The following CLNK variants were observed in gnomAD, a reference collection of about 807,000 sequenced individuals.
The protein encoded by CLNK is cytokine dependent hematopoietic cell linker, also known as cytokine-dependent hematopoietic cell linker.
In CLNK, 74 loss-of-function variants were observed where a neutral mutation model predicts 68.6. The observed-to-expected ratio is 1.08, with a 90% CI of 0.89 to 1.31. The LOEUF (loss-of-function observed/expected upper bound fraction) is 1.31, where lower values mean the gene tolerates loss of function less well. Among genes scored for constraint, CLNK ranks in the 50% most tolerant of loss-of-function variants. The pLI, the probability that CLNK is intolerant of heterozygous loss-of-function variation, is 0.00. For synonymous variants in CLNK, 198 were observed against 172.2 expected, an observed-to-expected ratio of 1.15 and a Z score of -1.17; for missense variants, 553 against 515.3, an observed-to-expected ratio of 1.07 and a Z score of -0.71.
At chr4:10,633,580 G>A (rs1163789453) in intron 2 of CLNK, among the ~76,000 whole-genome samples, 5 of 152,172 alleles carry the variant, frequency 3.3e-5, no homozygotes, top group South Asian at 2.1e-4. Context: ...CCTAATCCAG[G>A]AACATCTGAG....
At chr4:10,543,482 C>T (rs1156739214) in intron 8 of CLNK, among the ~76,000 whole-genome samples, 1 of 152,144 alleles carries the variant, frequency 6.6e-6, no homozygotes, top group Non-Finnish European at 1.5e-5. Context: ...GATTTTTAAC[C>T]ATGTGCTGAA....
intron 3 of CLNK, among the ~76,000 whole-genome samples, chr4:10,585,525 CCTT>C (rs1219591377): frequency 6.6e-6 from 1 of 152,248 alleles, no homozygotes; most frequent in Non-Finnish European, 1.5e-5. Context: ...TGTCCATAAA[CCTT>C]CTTTCACCAC....
In CLNK at chr4:10,540,533, G is replaced by C. The variant is rs760378165; in HGVS notation, c.563C>G (p.Ser188Cys). ...GACTTCTGGAAAGGTGTGTCTCTGAGATAAAGGTGGCCTGCTGCTCTCCGG... is the reference window on the plus strand; with the variant it reads ...GACTTCTGGAAAGGTGTGTCTCTGACATAAAGGTGGCCTGCTGCTCTCCGG... The part of the protein sequence containing the change: ...PEPESSRPPL[S>C]QRHTFPEVQR... Residue 188 changes from serine to cysteine, a missense_variant, in exon 11 of 19, where the codon TCT becomes TGT. By Grantham distance (112) the Ser-to-Cys change is moderately radical. Transcript: ENST00000226951. The C allele has an allele frequency of 1.9e-6, 3 of 1,613,834 alleles. No homozygotes were observed. Among genetic ancestry groups the C allele is most frequent in the Non-Finnish European group, 2.5e-6 (3 of 1,179,812 alleles).
Position 10,612,383 on chromosome 4 carries a change from G to A in CLNK, c.12-14334C>T, listed in dbSNP as rs536678993. ...CACATTGGCCTGTGAAAGATCCCAC[G>A]TCCAAAGTGTCTTGCTGAGAGTGTG... On this transcript the variant is annotated intron_variant, in intron 2 of 18. Coordinates refer to ENST00000226951, the MANE Select transcript of CLNK (RefSeq NM_052964.4). Among the ~76,000 whole-genome samples the A allele has an allele frequency of 6.6e-5, 10 of 152,332 alleles. No homozygotes were observed. In the East Asian group the frequency reaches 1.2e-3, roughly 18 times the overall value.
intron 2 of CLNK, among the ~76,000 whole-genome samples, chr4:10,604,663 A>T (rs1391495456): frequency 6.6e-6 from 1 of 151,210 alleles, no homozygotes; most frequent in East Asian, 1.9e-4. Flanking sequence ...TTCATTCCCT[A>T]TTATCTCACA....
intron 2 of CLNK, among the ~76,000 whole-genome samples, chr4:10,622,624 A>C (rs1391588468): frequency 1.3e-5 from 2 of 152,228 alleles, no homozygotes; most frequent in Non-Finnish European, 2.9e-5. Flanking sequence ...AAAACTTGTC[A>C]TGGTTTGGTG....
At chr4:10,649,709 A>G (rs930338174) in intron 2 of CLNK, among the ~76,000 whole-genome samples, 9 of 152,120 alleles carry the variant, frequency 5.9e-5, no homozygotes, top group African/African-American at 2.2e-4. Context: ...ATTCCAGCCT[A>G]GATTGTCTAG....
At chr4:10,715,333 T>G in the CLNK span, among the ~76,000 whole-genome samples, 1 of 152,190 alleles carries the variant, frequency 6.6e-6, no homozygotes, top group East Asian at 1.9e-4. Flanking sequence ...AATTACACCT[T>G]GTAGCTTCCA....
intron 11 of CLNK, among the ~76,000 whole-genome samples, chr4:10,537,679 CTTCCTTCCTTCCTTCCTTCCTT>C (rs1718837202): frequency 2.2e-5 from 1 of 46,118 alleles, no homozygotes; most frequent in African/African-American, 8.7e-5. Context: ...TTCTTTCTTT[CTTCCTTCCTTCCTTCCTTCCTT>C]CCTTCCTTTC....
intron 1 of CLNK, among the ~76,000 whole-genome samples, chr4:10,673,931 G>GGT (rs1724765986): frequency 6.6e-6 from 1 of 152,104 alleles, no homozygotes; most frequent in Admixed American, 6.6e-5. Context: ...CACAACTCAT[G>GGT]GTGTGTGTGC....
At chr4:10,731,319 G>A in the CLNK span, among the ~76,000 whole-genome samples, 1 of 152,194 alleles carries the variant, frequency 6.6e-6, no homozygotes, top group Non-Finnish European at 1.5e-5. Context: ...TTCTGAGACA[G>A]TCTCTCGCAA....
chr4:10,562,101 C>CTT (rs11345903), intron 7 of CLNK, among the ~76,000 whole-genome samples: 17,210 of 129,182 alleles, frequency 0.13, 1,369 homozygotes, highest in East Asian at 0.16. Context: ...TTTTTCTTTT[C>CTT]TTTTTTTTTT....
rs1577208401 is a variant in CLNK at position 10,667,976 on chromosome 4, G to T, written c.-42-65C>A. 1.7e-5 allele frequency: 15 copies of T among 861,146 alleles called. No individual in the cohort carries two copies. The East Asian group carries it at 3.9e-4, about 22-fold the overall frequency. The allele number at this position is 861,146 out of a possible 1,614,324, so 53.3% of individuals were successfully genotyped here. On this transcript the variant is annotated intron_variant, in intron 1 of 18. Coordinates refer to ENST00000226951, the MANE Select transcript of CLNK (RefSeq NM_052964.4). ...ATCATGTTTTAATTCTGGGGAACAA[G>T]CCACTGTTGCTGCTTGTTAAAATCG...
intron 17 of CLNK, among the ~76,000 whole-genome samples, chr4:10,506,536 T>C (rs1272571683): frequency 1.3e-5 from 2 of 152,186 alleles, no homozygotes; most frequent in Non-Finnish European, 2.9e-5. Flanking sequence ...TGCTCCTTTC[T>C]CGAAGAAGTG....
chr4:10,724,998 C>T, the CLNK span, among the ~76,000 whole-genome samples: 4 of 152,118 alleles, frequency 2.6e-5, no homozygotes, highest in Non-Finnish European at 4.4e-5. Flanking sequence ...GAGTCACGGA[C>T]ACCTGTGAAG....
chr4:10,631,989 G>A (rs1263883376), intron 2 of CLNK, among the ~76,000 whole-genome samples: 2 of 152,224 alleles, frequency 1.3e-5, no homozygotes, highest in Non-Finnish European at 2.9e-5. Context: ...CTGATTTACA[G>A]ATTGAGTTGC....
chr4:10,545,864 T>G (rs1286361602), intron 8 of CLNK, among the ~76,000 whole-genome samples: 1 of 152,148 alleles, frequency 6.6e-6, no homozygotes, highest in Non-Finnish European at 1.5e-5. Flanking sequence ...ACTTGTACCT[T>G]GCAGAGCTTC....
chr4:10,688,424 G>A (rs1313023657), upstream of CLNK, among the ~76,000 whole-genome samples: 1 of 152,120 alleles, frequency 6.6e-6, no homozygotes. Flanking sequence ...AACTTCTAAG[G>A]TCAATCATAT....
At chr4:10,622,555 C>T (rs1312347865) in intron 2 of CLNK, among the ~76,000 whole-genome samples, 1 of 152,102 alleles carries the variant, frequency 6.6e-6, no homozygotes, top group African/African-American at 2.4e-5. Context: ...AAGGGGGCAC[C>T]CACACCATCT....
Sources: gnomAD v4.1 joint callset for allele counts (sites outside exome capture counted in the v4.1 genomes callset) on GRCh38, gnomAD v4.1.1 for gene constraint, MANE v1.5 for transcripts, NCBI Gene and HGNC (gene_info 2026-07-23, HGNC 2026-07-21) for gene names.